MPDZ: variants seen among roughly 807,000 people sequenced by gnomAD.
MPDZ encodes multiple PDZ domain crumbs cell polarity complex component, also known as multiple PDZ domain protein.
A neutral mutation model predicts 239.1 loss-of-function variants in MPDZ; 234 were observed. The observed-to-expected ratio is 0.98, with a 90% CI of 0.88 to 1.09. MPDZ has a LOEUF of 1.09. MPDZ is among the 50% of genes least tolerant of loss of function. The pLI, the probability that MPDZ is intolerant of heterozygous loss-of-function variation, is 0.00. For missense variants in MPDZ, 3,175 were observed against 2,510.0 expected, an observed-to-expected ratio of 1.26 and a Z score of -5.66; for synonymous variants, 1,048 against 881.3, an observed-to-expected ratio of 1.19 and a Z score of -3.35.
chr9:13,189,002 A>C lies in MPDZ; in HGVS notation c.2155-9T>G. 6.2e-7 allele frequency: 1 copy of C among 1,608,198 alleles called. No individual in the cohort carries two copies. On this transcript the variant is annotated splice_polypyrimidine_tract_variant and intron_variant, in intron 16 of 46. Transcript: ENST00000319217. The stretch of plus-strand genomic sequence containing the variant: ...GCTGGATCAATTGGATCCTGACAGA[A>C]GGCAAAAGGAAAGAGTCAGCTCATT...
chr9:13,202,114 G>T (rs1956453305), intron 12 of MPDZ, among the ~76,000 whole-genome samples: 1 of 152,142 alleles, frequency 6.6e-6, no homozygotes. Flanking sequence ...TGGTGTTAGA[G>T]ATTTACTACT....
intron 1 of MPDZ, among the ~76,000 whole-genome samples, chr9:13,276,253 T>TG (rs748440802): frequency 5.3e-5 from 8 of 152,204 alleles, no homozygotes; most frequent in Non-Finnish European, 7.3e-5. Flanking sequence ...AGGAAGGCAA[T>TG]GGATTCCTCA....
chr9:13,200,770 A>C (rs949074665), intron 12 of MPDZ, among the ~76,000 whole-genome samples: 1 of 152,068 alleles, frequency 6.6e-6, no homozygotes, highest in Non-Finnish European at 1.5e-5. Context: ...TATGGTCAGA[A>C]AAGATACTTG....
At chr9:13,247,591 C>T in intron 3 of MPDZ, 44 bp downstream of exon 3, 1 of 1,569,650 alleles carries the variant, frequency 6.4e-7, no homozygotes, top group Admixed American at 1.7e-5. Context: ...TTCACAAGAT[C>T]TATGCCATGT....
rs763698657 is a variant in MPDZ, at chr9:13,188,991, A to T, written c.2157T>A (p.Asp719Glu). ...TCACAGTGCTTGCTGGATCAATTGG[A>T]TCCTGACAGAAGGCAAAAGGAAAGA... ...GLGFSILDYQ[D>E]PIDPASTVII... The change falls in exon 17 of 47, where the codon GAT becomes GAA. Residue 719 changes from aspartate to glutamate, a missense_variant and splice_region_variant. Physicochemically the swap from Asp to Glu is conservative, Grantham distance 45. Coordinates refer to ENST00000319217, the MANE Select transcript of MPDZ (RefSeq NM_001378778.1). The T allele has an allele frequency of 6.2e-7, 1 of 1,611,120 alleles. No homozygotes were observed. Among genetic ancestry groups the T allele is most frequent in the Non-Finnish European group, 8.5e-7 (1 of 1,178,032 alleles).
At chr9:13,212,922 G>A (rs1957810959) in intron 10 of MPDZ, among the ~76,000 whole-genome samples, 1 of 151,912 alleles carries the variant, frequency 6.6e-6, no homozygotes, top group Non-Finnish European at 1.5e-5. Flanking sequence ...TGGCCCCTGA[G>A]CATACTCAAC....
chr9:13,109,781 T>C (rs932537959), intron 45 of MPDZ, among the ~76,000 whole-genome samples, 171 bp downstream of exon 45: 4 of 152,212 alleles, frequency 2.6e-5, no homozygotes, highest in African/African-American at 9.7e-5. Flanking sequence ...GCTAAATCCA[T>C]GCCACAATTA....
chr9:13,208,831 A>G (rs570911006), intron 10 of MPDZ, among the ~76,000 whole-genome samples: 24 of 152,224 alleles, frequency 1.6e-4, no homozygotes, highest in Non-Finnish European at 2.9e-4. Flanking sequence ...TAAACCTTCT[A>G]TGATACTTCT....
chr9:13,197,542 T>C (rs981247308), intron 12 of MPDZ, among the ~76,000 whole-genome samples: 1 of 152,196 alleles, frequency 6.6e-6, no homozygotes, highest in Admixed American at 6.6e-5. Context: ...GTATATAATG[T>C]GTAATGATCA....
At chr9:13,201,974 C>T (rs925771565) in intron 12 of MPDZ, among the ~76,000 whole-genome samples, 1 of 152,090 alleles carries the variant, frequency 6.6e-6, no homozygotes, top group Non-Finnish European at 1.5e-5. Context: ...GCGTCCATTG[C>T]TGGAGGTTTG....
intron 15 of MPDZ, 69 bp downstream of exon 15, chr9:13,192,062 A>T: frequency 7.7e-7 from 1 of 1,306,080 alleles, no homozygotes; most frequent in Non-Finnish European, 1.0e-6. Flanking sequence ...AAAAATGCTT[A>T]AAAAATTTTA....
chr9:13,136,489 G>A (rs71476207), intron 30 of MPDZ, among the ~76,000 whole-genome samples: 13 of 151,368 alleles, frequency 8.6e-5, no homozygotes, highest in Admixed American at 6.6e-4. Flanking sequence ...GTGCCACCAC[G>A]CCCGGCTAAT....
chr9:13,108,160 G>C (rs1941802925), intron 46 of MPDZ, among the ~76,000 whole-genome samples: 1 of 151,984 alleles, frequency 6.6e-6, no homozygotes, highest in Admixed American at 6.6e-5. Context: ...ACTAAGTTTT[G>C]TTTCTTTTGA....
At chr9:13,189,024 C>A in intron 16 of MPDZ, 31 bp from the exon 17 acceptor site, 3 of 1,584,536 alleles carry the variant, frequency 1.9e-6, no homozygotes, top group South Asian at 2.3e-5. Context: ...AGAGTCAGCT[C>A]ATTTTACAAA....
chr9:13,200,698 T>C (rs945585592), intron 12 of MPDZ, among the ~76,000 whole-genome samples: 3 of 152,126 alleles, frequency 2.0e-5, no homozygotes, highest in Non-Finnish European at 4.4e-5. Flanking sequence ...TAGTATTAAA[T>C]TTCAATGAAT....
chr9:13,254,217 T>G (rs1968841199), intron 1 of MPDZ, among the ~76,000 whole-genome samples: 1 of 152,216 alleles, frequency 6.6e-6, no homozygotes, highest in African/African-American at 2.4e-5. Context: ...AGACAAGGTA[T>G]GAAGAAGTCA....
Position 13,196,246 on chromosome 9 carries a change from C to T in MPDZ, c.1547-16G>A, listed in dbSNP as rs1239968679. On this transcript the variant is annotated splice_polypyrimidine_tract_variant and intron_variant, in intron 12 of 46. Coordinates refer to ENST00000319217, the MANE Select transcript of MPDZ (RefSeq NM_001378778.1). Reference sequence around the variant, plus strand: ...AATGGATACCCTGAAACAGTCAAGGCAATTAAGTTAGCAGCAAACTACAGA... The same window carrying T: ...AATGGATACCCTGAAACAGTCAAGGTAATTAAGTTAGCAGCAAACTACAGA... 6.5e-7 allele frequency: 1 copy of T among 1,540,042 alleles called. No homozygotes were observed. Among genetic ancestry groups the T allele is most frequent in the Non-Finnish European group, 8.9e-7 (1 of 1,127,744 alleles).
chr9:13,248,171 T>G (rs1260602502), intron 2 of MPDZ, among the ~76,000 whole-genome samples: 1 of 145,870 alleles, frequency 6.9e-6, no homozygotes, highest in South Asian at 2.1e-4. Context: ...GAGGTTGCAG[T>G]GAGCCGAGAT....
chr9:13,142,045 C>G (rs1182086141), intron 27 of MPDZ, among the ~76,000 whole-genome samples: 3 of 152,048 alleles, frequency 2.0e-5, no homozygotes, highest in African/African-American at 7.2e-5. Flanking sequence ...AAGGTATGTA[C>G]TTTAGAATTT....
Sources: allele counts gnomAD v4.1 joint callset (sites outside exome capture counted in the v4.1 genomes callset), GRCh38; gene constraint gnomAD v4.1.1; transcripts MANE v1.5; gene names NCBI Gene and HGNC (gene_info 2026-07-23, HGNC 2026-07-21).